Variants in LRRC72 observed in about 807,000 individuals in gnomAD.
LRRC72 encodes the protein leucine rich repeat containing 72.
In LRRC72, 41 loss-of-function variants were observed where a neutral mutation model predicts 35.8. The ratio of observed to expected loss-of-function variants is 1.15; its 90% CI spans 0.89 to 1.49. LRRC72 has a LOEUF of 1.49. Ranked by LOEUF, LRRC72 falls within the 40% of genes most tolerant of loss-of-function variation. LRRC72 has a pLI of 0.00. For synonymous variants in LRRC72, 118 were observed against 119.2 expected (o/e 0.99, Z 0.07); for missense variants, 389 against 330.7 (o/e 1.18, Z -1.37).
chr7:16,554,094 C>A (rs912680937), intron 3 of LRRC72, among the ~76,000 whole-genome samples: 1 of 151,984 alleles, frequency 6.6e-6, no homozygotes, highest in Non-Finnish European at 1.5e-5. Context: ...TTCGGGAGGC[C>A]GAAGCGGGCA....
rs115136956 is a variant in LRRC72 at position 16,569,650 on chromosome 7, C to A, written c.670+2107C>A. 9.5e-3 allele frequency among the ~76,000 whole-genome samples: 1,449 copies of A among 151,968 alleles called. 27 individuals are homozygous for A. The highest frequency in any genetic ancestry group is 0.033 in the African/African-American group (1,366 of 41,426). On this transcript the variant is annotated intron_variant, in intron 7 of 8. Transcript: ENST00000401542. ...GATAATGAATTTATTTGGGAGTAAG[C>A]AAAAAGAATTATAACCCAGGATGCA... is the stretch of plus-strand genomic sequence containing the variant.
intron 1 of LRRC72, among the ~76,000 whole-genome samples, chr7:16,531,566 C>A (rs974055896): frequency 4.6e-5 from 7 of 152,130 alleles, no homozygotes; most frequent in African/African-American, 1.7e-4. Context: ...ATAACCTCAC[C>A]ATTCATAACA....
At chr7:16,530,511 C>T (rs919152744) in intron 1 of LRRC72, 2 of 152,206 alleles carry the variant, frequency 1.3e-5, no homozygotes, top group African/African-American at 4.8e-5. Flanking sequence ...GTTTTACCAG[C>T]TTCTGGGCAT....
In LRRC72 at chr7:16,532,780, G is replaced by A. The variant is rs1275554653; in HGVS notation, c.164+212G>A. 3 of 618,396 alleles carry A rather than the reference G, an allele frequency of 4.9e-6. 1 individual carries two copies. The highest frequency in any genetic ancestry group is 3.3e-5 in the South Asian group (2 of 60,464). The allele number at this position is 618,396 out of a possible 1,614,324, so 38.3% of individuals were successfully genotyped here. ...AAAAAAAAAATTATGGAGACAGGCT[G>A]TTTGAATCCCAGCTCTGTCTCTTCC... On this transcript the variant is annotated intron_variant, in intron 2 of 8. Coordinates refer to ENST00000401542, the MANE Select transcript of LRRC72 (RefSeq NM_001195280.2).
chr7:16,528,937 C>A (rs1244872564), intron 1 of LRRC72, among the ~76,000 whole-genome samples: 1 of 152,078 alleles, frequency 6.6e-6, no homozygotes, highest in East Asian at 1.9e-4. Flanking sequence ...ACATTGTTAT[C>A]CTGGGAAAAA....
At chr7:16,572,225 G>A (rs962870813) in intron 7 of LRRC72, among the ~76,000 whole-genome samples, 1 of 152,120 alleles carries the variant, frequency 6.6e-6, no homozygotes, top group African/African-American at 2.4e-5. Context: ...TCTACCAGAG[G>A]TACAAAGAGG....
Position 16,557,423 on chromosome 7 carries a change from G to A in LRRC72, c.298G>A (p.Ala100Thr), listed in dbSNP as rs1392545387. ...GACAGAACTATATCTAAACAACAAT[G>A]CAATATTTGAGATAGAAGGTACGTC... ...CLTELYLNNN[A>T]IFEIEGLHYL... The change falls in exon 4 of 9, where the codon GCA becomes ACA. Residue 100 changes from alanine (A) to threonine (T), a missense_variant. Transcript: ENST00000401542. 2 of 1,291,686 alleles carry A rather than the reference G, an allele frequency of 1.5e-6. No homozygotes were observed. Among genetic ancestry groups the A allele is most frequent in the South Asian group, 2.1e-5 (1 of 47,576 alleles). The allele number at this position is 1,291,686 out of a possible 1,614,324, so 80.0% of individuals were successfully genotyped here. A position where few individuals can be genotyped will look rare whatever the true frequency, so the allele number is the denominator to read the frequency against.
rs553628676 is a variant in LRRC72 at position 16,529,093 on chromosome 7, C to A, written c.90+2051C>A. Among the ~76,000 whole-genome samples, 5 of 152,218 alleles carry A rather than the reference C, an allele frequency of 3.3e-5. No individual in the cohort carries two copies. In the East Asian group the frequency reaches 9.6e-4, roughly 29 times the overall value. ...TTCTCAAGGCCTGAAGAAGTTTTCTCCAGGCACTGATTAAGTACACACTTC... is the reference window on the plus strand; with the variant it reads ...TTCTCAAGGCCTGAAGAAGTTTTCTACAGGCACTGATTAAGTACACACTTC... On this transcript the variant is annotated intron_variant, in intron 1 of 8. Transcript: ENST00000401542.
At chr7:16,572,169 C>T (rs1476118660) in intron 7 of LRRC72, among the ~76,000 whole-genome samples, 1 of 152,172 alleles carries the variant, frequency 6.6e-6, no homozygotes, top group Non-Finnish European at 1.5e-5. Flanking sequence ...TAATTAATAG[C>T]CTGCCAACCA....
chr7:16,569,286 C>T (rs563643370), intron 7 of LRRC72, among the ~76,000 whole-genome samples: 1 of 151,970 alleles, frequency 6.6e-6, no homozygotes, highest in African/African-American at 2.4e-5. Flanking sequence ...ATTAGCCAGG[C>T]ATGGTGGCAC....
chr7:16,574,827 T>C (rs572803), intron 7 of LRRC72, among the ~76,000 whole-genome samples: 39,072 of 151,604 alleles, frequency 0.26, 5,214 homozygotes, highest in South Asian at 0.41. Context: ...TTTATACTTG[T>C]CTAACTCACC....
intron 5 of LRRC72, among the ~76,000 whole-genome samples, chr7:16,561,980 C>T (rs556035844): frequency 1.3e-5 from 2 of 152,308 alleles, no homozygotes; most frequent in East Asian, 3.9e-4. Flanking sequence ...ACTTAAATTA[C>T]AAGTTCTTCA....
chr7:16,543,149 C>T (rs922857679), intron 3 of LRRC72, among the ~76,000 whole-genome samples: 2 of 152,170 alleles, frequency 1.3e-5, no homozygotes, highest in African/African-American at 4.8e-5. Context: ...TCAAAGTTCA[C>T]ATATAAAATT....
At chr7:16,545,736 C>A (rs1782433954) in intron 3 of LRRC72, among the ~76,000 whole-genome samples, 1 of 152,068 alleles carries the variant, frequency 6.6e-6, no homozygotes, top group Non-Finnish European at 1.5e-5. Flanking sequence ...TATTTTAAAA[C>A]TTCTTTAAAA....
At chr7:16,536,785 T>A (rs1468266035) in intron 2 of LRRC72, 1 of 152,236 alleles carries the variant, frequency 6.6e-6, no homozygotes, top group Non-Finnish European at 1.5e-5. Flanking sequence ...ATAAATGAAT[T>A]AATATCTGTA....
intron 7 of LRRC72, among the ~76,000 whole-genome samples, chr7:16,570,011 C>T (rs1476103265): frequency 1.3e-5 from 2 of 150,126 alleles, no homozygotes; most frequent in South Asian, 4.2e-4. Context: ...GCCTGGGCAA[C>T]AGAGGGAGAT....
In LRRC72 at chr7:16,581,211, C is replaced by G. The variant is rs372562830; in HGVS notation, c.699-113C>G. 12 of 971,054 alleles carry G rather than the reference C, an allele frequency of 1.2e-5. No homozygotes were observed. In the East Asian group the frequency reaches 3.3e-4, roughly 27 times the overall value. 60.2% of individuals were successfully genotyped at this position (971,054 alleles called of 1,614,324 possible). The stretch of plus-strand genomic sequence containing the variant: ...CAAATTATTTGTTAGTGGTACTATA[C>G]TACAAATAACACAGAAAAACATGGC... On this transcript the variant is annotated intron_variant, in intron 8 of 8. Transcript: ENST00000401542.
At chr7:16,536,907 C>T (rs1453256835) in intron 2 of LRRC72, 1 of 152,048 alleles carries the variant, frequency 6.6e-6, no homozygotes, top group Non-Finnish European at 1.5e-5. Context: ...TACTTGGGTT[C>T]CACAATTTCT....
chr7:16,537,257 C>T (rs577541298), intron 2 of LRRC72: 74 of 165,918 alleles, frequency 4.5e-4, no homozygotes, highest in Non-Finnish European at 7.3e-4. Flanking sequence ...GAAGCAGGAC[C>T]CAGCTACATT....
Sources: gnomAD v4.1 joint callset for allele counts (sites outside exome capture counted in the v4.1 genomes callset) on GRCh38, gnomAD v4.1.1 for gene constraint, MANE v1.5 for transcripts, NCBI Gene and HGNC (gene_info 2026-07-23, HGNC 2026-07-21) for gene names.